The following RBFOX1 variants were observed in gnomAD, a reference collection of about 807,000 sequenced individuals.
RBFOX1 encodes RNA binding fox-1 homolog 1.
A neutral mutation model predicts 57.7 loss-of-function variants in RBFOX1; 8 were observed. The ratio of observed to expected loss-of-function variants is 0.14; its 90% CI spans 0.08 to 0.25. RBFOX1 has a LOEUF of 0.25. Ranked by LOEUF, RBFOX1 falls within the 10% of genes least tolerant of loss-of-function variation. The probability of loss-of-function intolerance (pLI) is 1.00; values close to 1 mark genes in which losing one functional copy is unlikely to be tolerated. For synonymous variants in RBFOX1, 326 were observed against 222.4 expected (o/e 1.47, Z -4.15); for missense variants, 611 against 548.5 (o/e 1.11, Z -1.14).
intron 4 of RBFOX1, among the ~76,000 whole-genome samples, chr16:7,070,230 T>C (rs961202188): frequency 1.3e-5 from 2 of 152,210 alleles, no homozygotes; most frequent in Non-Finnish European, 2.9e-5. Context: ...TGCTCACATA[T>C]GAGGAGACTG....
At chr16:7,300,052 T>G (rs1568099134) in intron 4 of RBFOX1, among the ~76,000 whole-genome samples, 1 of 152,112 alleles carries the variant, frequency 6.6e-6, no homozygotes, top group Non-Finnish European at 1.5e-5. Flanking sequence ...GAAACTGCAT[T>G]TTTTCAGAGC....
intron 3 of RBFOX1, among the ~76,000 whole-genome samples, chr16:6,839,663 C>G (rs1471168580): frequency 6.6e-6 from 1 of 152,108 alleles, no homozygotes; most frequent in Non-Finnish European, 1.5e-5. Flanking sequence ...TTTTTGCAAA[C>G]TCTCCTATTT....
chr16:7,091,350 C>G (rs1271672530), intron 4 of RBFOX1, among the ~76,000 whole-genome samples: 1 of 151,576 alleles, frequency 6.6e-6, no homozygotes, highest in African/African-American at 2.4e-5. Flanking sequence ...ACACTTCATC[C>G]TCACCTTTTA....
At position 6,310,558 on chromosome 16, in the gene RBFOX1, C is replaced by A. The variant is rs1045294076; in HGVS notation, c.-126-6437C>A. Among the ~76,000 whole-genome samples, 2 of 137,472 alleles carry A rather than the reference C, an allele frequency of 1.5e-5. 1 individual carries two copies. Among genetic ancestry groups the A allele is most frequent in the African/African-American group, 5.0e-5 (2 of 39,976 alleles). 90.2% of individuals were successfully genotyped at this position (137,472 alleles called of 152,430 possible). On this transcript the variant is annotated intron_variant, in intron 1 of 15. Transcript: ENST00000550418. ...TGAGGTGGGCATTATTATACCCATT[C>A]TATGGACAAAAAAACTGAAGCTCCA...
At chr16:6,208,951 C>A (rs1450993844) in intron 1 of RBFOX1, among the ~76,000 whole-genome samples, 1 of 152,072 alleles carries the variant, frequency 6.6e-6, no homozygotes, top group Non-Finnish European at 1.5e-5. Flanking sequence ...TTGCTCACTT[C>A]CCCCATTTTT....
At chr16:5,787,882 A>C (rs1304238298) in intron 3 of RBFOX1, among the ~76,000 whole-genome samples, 1 of 152,244 alleles carries the variant, frequency 6.6e-6, no homozygotes, top group African/African-American at 2.4e-5. Flanking sequence ...CAAGTCAACT[A>C]AGGAACTTAG....
intron 1 of RBFOX1, among the ~76,000 whole-genome samples, chr16:6,071,124 A>T (rs1043567450): frequency 7.9e-5 from 12 of 152,114 alleles, no homozygotes; most frequent in African/African-American, 2.9e-4. Context: ...GGAGTTTTCT[A>T]CCAGCCTGGG....
At chr16:5,377,383 A>T (rs1312506507) in intron 1 of RBFOX1, among the ~76,000 whole-genome samples, 1 of 151,306 alleles carries the variant, frequency 6.6e-6, no homozygotes. Context: ...GACTCGAGGG[A>T]TGAGAAGGAG....
At chr16:5,339,724 C>T (rs1438942669) in intron 1 of RBFOX1, among the ~76,000 whole-genome samples, 1 of 151,976 alleles carries the variant, frequency 6.6e-6, no homozygotes, top group Admixed American at 6.6e-5. Flanking sequence ...GGTGATCCAC[C>T]TGCCTCAAGT....
At chr16:7,596,172 G>GT (rs1267738626) in intron 8 of RBFOX1, among the ~76,000 whole-genome samples, 2,351 of 115,322 alleles carry the variant, frequency 0.02, 52 homozygotes, top group African/African-American at 0.048. Context: ...TAAACCTCTC[G>GT]TTTTTTTTTT....
At chr16:7,557,226 AG>A (rs1209139825) in intron 5 of RBFOX1, among the ~76,000 whole-genome samples, 1 of 152,098 alleles carries the variant, frequency 6.6e-6, no homozygotes, top group East Asian at 1.9e-4. Context: ...CCTATAGCTG[AG>A]GGCTTCATCA....
At chr16:6,785,568 A>C (rs1016731636) in intron 3 of RBFOX1, among the ~76,000 whole-genome samples, 1 of 152,142 alleles carries the variant, frequency 6.6e-6, no homozygotes, top group African/African-American at 2.4e-5. Flanking sequence ...AAACTTCAAC[A>C]TGTGGGGACA....
intron 1 of RBFOX1, among the ~76,000 whole-genome samples, chr16:6,079,059 A>AG (rs2095956718): frequency 6.6e-6 from 1 of 152,186 alleles, no homozygotes; most frequent in African/African-American, 2.4e-5. Flanking sequence ...TTGTAATCCC[A>AG]GCACTTTGGG....
chr16:7,128,144 T>A (rs142543416), intron 4 of RBFOX1, among the ~76,000 whole-genome samples: 6 of 152,280 alleles, frequency 3.9e-5, no homozygotes, highest in African/African-American at 1.4e-4. Context: ...AAAGCAAATG[T>A]CTCCTTCCTA....
chr16:6,803,388 T>A (rs887529640), intron 3 of RBFOX1, among the ~76,000 whole-genome samples: 1 of 152,118 alleles, frequency 6.6e-6, no homozygotes, highest in Non-Finnish European at 1.5e-5. Flanking sequence ...GCAGGCACAA[T>A]CTGGAAACCT....
chr16:6,972,268 C>G (rs1257301486), intron 3 of RBFOX1, among the ~76,000 whole-genome samples: 2 of 152,028 alleles, frequency 1.3e-5, no homozygotes, highest in African/African-American at 4.8e-5. Context: ...TCTCCCCAGC[C>G]CCTGGTAACT....
chr16:5,652,600 T>A (rs997246461), intron 3 of RBFOX1, among the ~76,000 whole-genome samples: 1 of 152,198 alleles, frequency 6.6e-6, no homozygotes, highest in Non-Finnish European at 1.5e-5. Flanking sequence ...TCTTTGCACG[T>A]CCTCCTCTCA....
At chr16:6,145,385 C>T (rs1436634730) in intron 1 of RBFOX1, among the ~76,000 whole-genome samples, 1 of 152,100 alleles carries the variant, frequency 6.6e-6, no homozygotes, top group Non-Finnish European at 1.5e-5. Flanking sequence ...TTAATGGCTG[C>T]ATAGTATTCC....
rs78852108 is a variant in RBFOX1, at chr16:7,522,468, G to A, written c.270+4079G>A. ...CAGTTTGGATGTCTTTAAAGACCTAGAAGACAATAGTTTTGCTAGAGTAGT... is the reference window on the plus strand; with the variant it reads ...CAGTTTGGATGTCTTTAAAGACCTAAAAGACAATAGTTTTGCTAGAGTAGT... On this transcript the variant is annotated intron_variant, in intron 5 of 15. Transcript: ENST00000550418. Among the ~76,000 whole-genome samples the A allele has an allele frequency of 8.0e-3, 1,220 of 152,322 alleles. 5 individuals are homozygous for A. The highest frequency in any genetic ancestry group is 0.027 in the Middle Eastern group (8 of 294).
Sources: gnomAD v4.1 joint callset for allele counts (sites outside exome capture counted in the v4.1 genomes callset) on GRCh38, gnomAD v4.1.1 for gene constraint, MANE v1.5 for transcripts, NCBI Gene and HGNC (gene_info 2026-07-23, HGNC 2026-07-21) for gene names.